The following GRTP1 variants were observed in gnomAD, a reference collection of about 807,000 sequenced individuals.
GRTP1 encodes growth hormone-regulated TBC protein 1.
In GRTP1, 56 loss-of-function variants were observed where a neutral mutation model predicts 38.1. The ratio of observed to expected loss-of-function variants is 1.47; its 90% CI spans 1.19 to 1.84. GRTP1 has a LOEUF of 1.84. Among genes scored for constraint, GRTP1 ranks in the 40% most tolerant of loss-of-function variants. GRTP1 has a pLI of 0.00. For missense variants in GRTP1, 506 were observed against 453.9 expected (o/e 1.11, Z -1.04); for synonymous variants, 217 against 189.5 (o/e 1.14, Z -1.19).
intron 5 of GRTP1, among the ~76,000 whole-genome samples, chr13:113,344,218 C>T (rs898566368): frequency 1.3e-5 from 2 of 152,030 alleles, no homozygotes; most frequent in Admixed American, 1.3e-4. Flanking sequence ...CAATACAAAC[C>T]ACACCGTGGC....
intron 5 of GRTP1, 62 bp from the exon 6 acceptor site, chr13:113,326,153 C>G (rs1421008664): frequency 6.3e-7 from 1 of 1,578,592 alleles, no homozygotes; most frequent in African/African-American, 1.3e-5. Flanking sequence ...AGCCCCATTC[C>G]CCTCAGAGCC....
In GRTP1 at chr13:113,363,768, G is replaced by C. The variant is rs542491091; in HGVS notation, c.175C>G (p.Arg59Gly). Residue 59 changes from arginine to glycine, a missense_variant, in exon 2 of 8, where the codon CGG (arginine) becomes GGG (glycine). Coordinates refer to ENST00000375431, the MANE Select transcript of GRTP1 (RefSeq NM_024719.4). ...CTGCGCCCCCGGGACCCACCTGTCC[G>C]GCTCCTGGGGACGCCCCCGCCCTGC... The part of the protein sequence containing the change: ...LLQGGGVPRS[R>G]TVKRYVRKGV... The C allele has an allele frequency of 6.4e-6, 10 of 1,564,952 alleles. No individual in the cohort carries two copies. In the East Asian group the frequency reaches 1.8e-4, roughly 28 times the overall value.
chr13:113,330,011 GCCCAGGTGCGTACATGGAAA>G (rs2042834253), intron 5 of GRTP1, among the ~76,000 whole-genome samples: 1 of 137,288 alleles, frequency 7.3e-6, no homozygotes, highest in African/African-American at 2.7e-5. Context: ...GTGCATGGGA[GCCCAGGTGCGTACATGGAAA>G]CCCAGGTGCC....
chr13:113,359,296 T>A (rs139929941), intron 2 of GRTP1, among the ~76,000 whole-genome samples: 96 of 152,332 alleles, frequency 6.3e-4, no homozygotes, highest in African/African-American at 2.2e-3. Flanking sequence ...CCTAGCTGCG[T>A]GTTTGTCCAA....
At position 113,344,870 on chromosome 13, in the gene GRTP1, T is replaced by C; in HGVS notation, c.555A>G (p.Ile185Met). 1 of 1,607,462 alleles carries C rather than the reference T, an allele frequency of 6.2e-7. No individual in the cohort carries two copies. The highest frequency in any genetic ancestry group is 8.5e-7 in the Non-Finnish European group (1 of 1,178,600). Residue 185 changes from isoleucine to methionine, a missense_variant, in exon 5 of 8, where the codon ATA becomes ATG. Transcript: ENST00000375431. ...CAGGAATTTTCAACATACCTGGTAG[T>C]ATTCTTCCAACAAGAGCATCTAACA... is the stretch of plus-strand genomic sequence containing the variant. ...FWLLDALVGR[I>M]LPDYYSPAML...
At chr13:113,350,796 G>A in intron 4 of GRTP1, 53 bp downstream of exon 4, 1 of 1,502,290 alleles carries the variant, frequency 6.7e-7, no homozygotes, top group Non-Finnish European at 9.0e-7. Context: ...TGCAGCTGTG[G>A]ACAGACCTGT....
intron 5 of GRTP1, among the ~76,000 whole-genome samples, chr13:113,334,908 C>T (rs538465735): frequency 6.6e-5 from 10 of 152,240 alleles, no homozygotes; most frequent in South Asian, 4.1e-4. Flanking sequence ...CTGCAAGCTC[C>T]GCCTCCCGGG....
intron 3 of GRTP1, among the ~76,000 whole-genome samples, chr13:113,352,205 G>A (rs1406959002): frequency 7.4e-6 from 1 of 135,780 alleles, no homozygotes; most frequent in Non-Finnish European, 1.6e-5. Context: ...TCATTTATAT[G>A]TAATATTTTT....
chr13:113,360,462 C>CT (rs1488743646), intron 2 of GRTP1, among the ~76,000 whole-genome samples: 1 of 152,204 alleles, frequency 6.6e-6, no homozygotes, highest in African/African-American at 2.4e-5. Context: ...GGAAAGAACT[C>CT]TATCACTGTC....
In GRTP1 at chr13:113,340,705, G is replaced by A. The variant is rs1048836780; in HGVS notation, c.562+4158C>T. 4.0e-5 allele frequency among the ~76,000 whole-genome samples: 6 copies of A among 150,702 alleles called. No homozygotes were observed. In the South Asian group the frequency reaches 6.3e-4, roughly 16 times the overall value. On this transcript the variant is annotated intron_variant, in intron 5 of 7. Transcript: ENST00000375431. Reference sequence around the variant, plus strand: ...TGAGGCAGGAGAATGGCGTGAACCCGGGAGGCGGAGCTTGCAGTGAGCCGA... The same window carrying A: ...TGAGGCAGGAGAATGGCGTGAACCCAGGAGGCGGAGCTTGCAGTGAGCCGA...
rs1016901659 is a variant in GRTP1, at chr13:113,349,840, C to T, written c.465+1009G>A. ...GTTGGTGCACGCCTGGCTCCCGGCT[C>T]CTACAGGAAGTTTCTGGGGGCATCA... On this transcript the variant is annotated intron_variant, in intron 4 of 7. Transcript: ENST00000375431. The surrounding 1 kb of genome is among the most constrained non-coding windows in gnomAD (Gnocchi z 5.0). Among the ~76,000 whole-genome samples, 3 of 152,174 alleles carry T rather than the reference C, an allele frequency of 2.0e-5. No homozygotes were observed. Among genetic ancestry groups the T allele is most frequent in the African/African-American group, 7.2e-5 (3 of 41,440 alleles).
At chr13:113,345,127 T>A in intron 4 of GRTP1, 168 bp from the exon 5 acceptor site, 1 of 264,454 alleles carries the variant, frequency 3.8e-6, no homozygotes, top group Non-Finnish European at 5.8e-6. Flanking sequence ...ACTAAATACC[T>A]ACCGTCTAGT....
chr13:113,359,426 C>A (rs1441658466), intron 2 of GRTP1, among the ~76,000 whole-genome samples: 1 of 152,144 alleles, frequency 6.6e-6, no homozygotes, highest in Non-Finnish European at 1.5e-5. Flanking sequence ...TACAAAAAAA[C>A]CCTTAAAAAT....
rs1249116763 is a variant in GRTP1, at chr13:113,355,343, A to C, written c.320T>G (p.Leu107Arg). 3 of 1,614,064 alleles carry C rather than the reference A, an allele frequency of 1.9e-6. No individual in the cohort carries two copies. Among genetic ancestry groups the C allele is most frequent in the South Asian group, 1.1e-5 (1 of 91,078 alleles). The change falls in exon 3 of 8, where the codon CTG becomes CGG. Residue 107 changes from leucine to arginine, a missense_variant. Leu to Arg is a moderately radical substitution (Grantham distance 102). Transcript: ENST00000375431. ...QLLQGERNPR[L>R]EDAIRTDLNR... Reference sequence around the variant, plus strand: ...CTCACCTGTCCTGATGGCGTCCTCCAGCCTGGGGTTTCTCTCTCCCTGGAG... The same window carrying C: ...CTCACCTGTCCTGATGGCGTCCTCCCGCCTGGGGTTTCTCTCTCCCTGGAG...
intron 3 of GRTP1, among the ~76,000 whole-genome samples, chr13:113,352,347 A>ATATATATAT: frequency 1.8e-5 from 2 of 114,078 alleles, no homozygotes; most frequent in South Asian, 5.0e-4. Context: ...TTATATATAT[A>ATATATATAT]TTTATATATA....
intron 4 of GRTP1, among the ~76,000 whole-genome samples, chr13:113,350,167 C>G (rs1457425031): frequency 1.3e-5 from 2 of 152,128 alleles, no homozygotes; most frequent in Non-Finnish European, 2.9e-5. Context: ...CAGGCCCAGG[C>G]AGGACACACA....
chr13:113,351,340 G>A (rs536310355), intron 3 of GRTP1, among the ~76,000 whole-genome samples: 7 of 152,348 alleles, frequency 4.6e-5, no homozygotes, highest in African/African-American at 1.2e-4. Flanking sequence ...ACTCTGCCTC[G>A]AGGACCCAGG....
chr13:113,351,116 C>G, intron 3 of GRTP1, 143 bp from the exon 4 acceptor site: 1 of 1,015,670 alleles, frequency 9.8e-7, no homozygotes, highest in Non-Finnish European at 1.5e-6. Flanking sequence ...AGACTCAACA[C>G]AGCCAGAGCG....
chr13:113,347,511 CCCAGGAGCACCTCTGTGGCTGAGCGGAT>C (rs1566432393), intron 4 of GRTP1, among the ~76,000 whole-genome samples: 3 of 82,324 alleles, frequency 3.6e-5, no homozygotes, highest in Admixed American at 1.1e-4. Context: ...CGAGAGCGGA[CCCAGGAGCACCTCTGTGGCTGAGCGGAT>C]CCGGGAGGAC....
Sources: gnomAD v4.1 joint callset for allele counts (sites outside exome capture counted in the v4.1 genomes callset) on GRCh38, gnomAD v4.1.1 for gene constraint, Gnocchi (gnomAD v3.1) non-coding constraint, MANE v1.5 for transcripts, NCBI Gene and HGNC (gene_info 2026-07-23, HGNC 2026-07-21) for gene names.